The following TSPAN15 variants were observed in gnomAD, a reference collection of about 807,000 sequenced individuals.
TSPAN15 encodes the protein tetraspanin-15.
A neutral mutation model predicts 34.5 loss-of-function variants in TSPAN15; 20 were observed. The observed-to-expected ratio is 0.58, with a 90% CI of 0.41 to 0.84. The LOEUF (loss-of-function observed/expected upper bound fraction) is 0.84. TSPAN15 is among the 40% of genes least tolerant of loss of function. The pLI is 0.00. For missense variants in TSPAN15, 313 were observed against 386.1 expected, an observed-to-expected ratio of 0.81 and a Z score of 1.59; for synonymous variants, 155 against 153.9, an observed-to-expected ratio of 1.01 and a Z score of -0.05.
At chr10:69,539,503 A>AAGG in the TSPAN15 span, among the ~76,000 whole-genome samples, 3 of 73,474 alleles carry the variant, frequency 4.1e-5, no homozygotes, top group Admixed American at 1.4e-4. Flanking sequence ...GAAGAAGAAG[A>AAGG]AGAAGAAGAA....
At chr10:69,465,973 T>C (rs1841376178) in intron 1 of TSPAN15, among the ~76,000 whole-genome samples, 1 of 152,174 alleles carries the variant, frequency 6.6e-6, no homozygotes, top group Admixed American at 6.5e-5. Context: ...TAGCACCAGC[T>C]TCCCAGGGCA....
chr10:69,499,226 G>A (rs1842152316), intron 5 of TSPAN15, among the ~76,000 whole-genome samples: 1 of 152,238 alleles, frequency 6.6e-6, no homozygotes. Flanking sequence ...GTCATGGAAA[G>A]TTTTTCTCCT....
At position 69,507,426 on chromosome 10, in the gene TSPAN15, A is replaced by C. The variant is rs370503179; in HGVS notation, c.*448A>C. On this transcript the variant is annotated 3_prime_UTR_variant, in exon 8 of 8. Coordinates refer to ENST00000373290, the MANE Select transcript of TSPAN15 (RefSeq NM_012339.5). Reference sequence around the variant, plus strand: ...GGCAGGAGGGAAGAGCTGTCCATGCAGCCACGCCCATGGCCAGGTTGGCCT... The same window carrying C: ...GGCAGGAGGGAAGAGCTGTCCATGCCGCCACGCCCATGGCCAGGTTGGCCT... The C allele has an allele frequency of 2.0e-4, 249 of 1,273,986 alleles. 3 individuals are homozygous for C. In the Middle Eastern group the frequency reaches 5.8e-3, roughly 30 times the overall value. 78.9% of individuals were successfully genotyped at this position (1,273,986 alleles called of 1,614,324 possible). A position where few individuals can be genotyped will look rare whatever the true frequency, so the allele number is the denominator to read the frequency against.
At chr10:69,507,651 GTTTTTTT>G (rs398014021) in exon 8 of TSPAN15, 62 of 1,011,902 alleles carry the variant, frequency 6.1e-5, no homozygotes, top group Admixed American at 7.1e-4. Flanking sequence ...ATAAAAACAT[GTTTTTTT>G]TTTTTTTTTT....
At chr10:69,529,792 A>G in the TSPAN15 span, among the ~76,000 whole-genome samples, 1 of 147,576 alleles carries the variant, frequency 6.8e-6, no homozygotes, top group Non-Finnish European at 1.5e-5. Context: ...CACCCATCAT[A>G]CAAACAGTGT....
intron 1 of TSPAN15, among the ~76,000 whole-genome samples, chr10:69,458,679 G>A (rs1040663131): frequency 6.6e-6 from 1 of 152,132 alleles, no homozygotes; most frequent in African/African-American, 2.4e-5. Flanking sequence ...CCCTCCCCCA[G>A]TCTGGCCACA....
chr10:69,498,365 G>C lies in TSPAN15; in HGVS notation c.539G>C (p.Gly180Ala). The change falls in exon 5 of 8, where the codon GGG (glycine) becomes GCG (alanine). Residue 180 changes from glycine (G) to alanine (A), a missense_variant. By Grantham distance (60) the Gly-to-Ala change is moderately conservative (BLOSUM62 0). Transcript: ENST00000373290. ...AGTGCCCCTGGACCCCTGGCCTGTG[G>C]GGTGCCCTACACCTGCTGCATCAGG... ...DCSAPGPLAC[G>A]VPYTCCIRNT... 1 of 1,614,014 alleles carries C rather than the reference G, an allele frequency of 6.2e-7. No individual in the cohort carries two copies. The highest frequency in any genetic ancestry group is 8.5e-7 in the Non-Finnish European group (1 of 1,179,978).
At chr10:69,516,822 T>A in the TSPAN15 span, among the ~76,000 whole-genome samples, 1 of 152,210 alleles carries the variant, frequency 6.6e-6, no homozygotes, top group African/African-American at 2.4e-5. Flanking sequence ...GGTGATCTGC[T>A]TTCTGCTCTG....
the TSPAN15 span, among the ~76,000 whole-genome samples, chr10:69,544,583 C>A: frequency 6.6e-6 from 1 of 152,366 alleles, no homozygotes; most frequent in East Asian, 1.9e-4. Flanking sequence ...GGCGGCTTCA[C>A]GGCCTTGCTG....
chr10:69,542,663 G>A, the TSPAN15 span, among the ~76,000 whole-genome samples: 925 of 152,272 alleles, frequency 6.1e-3, 9 homozygotes, highest in African/African-American at 0.021. Context: ...AAAGGGGGCC[G>A]GTGTGGCAGG....
intron 1 of TSPAN15, among the ~76,000 whole-genome samples, chr10:69,477,031 C>A (rs959299020): frequency 1.8e-4 from 27 of 152,086 alleles, no homozygotes; most frequent in African/African-American, 6.5e-4. Flanking sequence ...ACAGCAGGAA[C>A]CCAGCTGCCC....
chr10:69,485,081 C>T (rs1317091503), intron 2 of TSPAN15, 60 bp from the exon 3 acceptor site: 8 of 1,524,386 alleles, frequency 5.2e-6, no homozygotes, highest in African/African-American at 2.7e-5. Flanking sequence ...GGTGCCTCCC[C>T]TGTACCCCAC....
At chr10:69,545,143 A>G in the TSPAN15 span, among the ~76,000 whole-genome samples, 2 of 152,182 alleles carry the variant, frequency 1.3e-5, no homozygotes. Context: ...AAAGGAGTTT[A>G]GGCCCCAAGG....
the TSPAN15 span, among the ~76,000 whole-genome samples, chr10:69,547,825 T>C: frequency 2.6e-5 from 4 of 152,312 alleles, no homozygotes; most frequent in Admixed American, 1.3e-4. Flanking sequence ...ATTGCAGAGA[T>C]GGGTGAAGAG....
intron 1 of TSPAN15, among the ~76,000 whole-genome samples, chr10:69,455,180 T>A (rs1282439889): frequency 6.9e-6 from 1 of 145,170 alleles, no homozygotes; most frequent in Non-Finnish European, 1.5e-5. Context: ...GAAAGGGTAG[T>A]GGTTAGTGAC....
At chr10:69,455,549 C>CT (rs751713427) in intron 1 of TSPAN15, among the ~76,000 whole-genome samples, 11 of 124,928 alleles carry the variant, frequency 8.8e-5, no homozygotes, top group Non-Finnish European at 1.6e-4. Flanking sequence ...TTTCTTTCTT[C>CT]TCTCTCTCTC....
At chr10:69,515,136 T>C in the TSPAN15 span, among the ~76,000 whole-genome samples, 4 of 152,220 alleles carry the variant, frequency 2.6e-5, no homozygotes, top group Admixed American at 2.6e-4. Flanking sequence ...TGCCTTCTTG[T>C]TTTTCCTCCA....
Position 69,485,212 on chromosome 10 carries a change from C to T in TSPAN15, c.354C>T (p.Asn118=), listed in dbSNP as rs748881553. The T allele has an allele frequency of 2.5e-6, 4 of 1,613,924 alleles. No individual in the cohort carries two copies. Among genetic ancestry groups the T allele is most frequent in the Non-Finnish European group, 3.4e-6 (4 of 1,179,954 alleles). The change falls in exon 3 of 8, where the codon AAC becomes AAT. Residue 118 remains asparagine, a synonymous_variant. Transcript: ENST00000373290. The part of the protein sequence containing the change: ...IGGVVALTFR[N]QTIDFLNDNI... ...GCGTGGTGGCCTTGACCTTCCGGAACCAGGTGGGCCTGTGGATTTGTGTAT... is the reference window on the plus strand; with the variant it reads ...GCGTGGTGGCCTTGACCTTCCGGAATCAGGTGGGCCTGTGGATTTGTGTAT...
At chr10:69,464,070 C>G (rs1050743366) in intron 1 of TSPAN15, among the ~76,000 whole-genome samples, 1 of 152,174 alleles carries the variant, frequency 6.6e-6, no homozygotes, top group Non-Finnish European at 1.5e-5. Flanking sequence ...TGTGTGCAGA[C>G]AGGGGCAGAC....
Sources: allele counts gnomAD v4.1 joint callset (sites outside exome capture counted in the v4.1 genomes callset), GRCh38; gene constraint gnomAD v4.1.1; transcripts MANE v1.5; gene names NCBI Gene and HGNC (gene_info 2026-07-23, HGNC 2026-07-21).